PKP1: variants seen among roughly 807,000 people sequenced by gnomAD.
The protein encoded by PKP1 is plakophilin 1.
Under a neutral mutation model 76.4 loss-of-function variants are expected in PKP1, and 27 were observed. That is an observed-to-expected ratio of 0.35 (90% confidence interval 0.26 to 0.49). PKP1 has a LOEUF of 0.49. PKP1 is among the 20% of genes least tolerant of loss of function. The probability of loss-of-function intolerance (pLI) is 0.99; values close to 1 mark genes in which losing one functional copy is unlikely to be tolerated. For synonymous variants in PKP1, 404 were observed against 384.2 expected, an observed-to-expected ratio of 1.05 and a Z score of -0.60; for missense variants, 964 against 955.2, an observed-to-expected ratio of 1.01 and a Z score of -0.12.
At chr1:201,287,794 A>G (rs747242286) in intron 1 of PKP1, among the ~76,000 whole-genome samples, 2 of 152,178 alleles carry the variant, frequency 1.3e-5, no homozygotes, top group African/African-American at 2.4e-5. Context: ...CATTGTGCCA[A>G]TTGTTCTAGG....
intron 2 of PKP1, among the ~76,000 whole-genome samples, chr1:201,295,188 G>A (rs754277293): frequency 3.3e-5 from 5 of 152,094 alleles, no homozygotes; most frequent in Non-Finnish European, 7.4e-5. Flanking sequence ...CTGGGTCCTG[G>A]GGAGAGGAGA....
intron 2 of PKP1, among the ~76,000 whole-genome samples, chr1:201,303,471 C>G (rs536954339): frequency 6.6e-6 from 1 of 152,266 alleles, no homozygotes; most frequent in Middle Eastern, 3.4e-3. Flanking sequence ...TATCACTCAC[C>G]CAAATGACAA....
intron 1 of PKP1, 26 bp downstream of exon 1, chr1:201,283,930 C>A: frequency 6.2e-7 from 1 of 1,603,084 alleles, no homozygotes; most frequent in South Asian, 1.1e-5. Flanking sequence ...CCGCGTGGTC[C>A]GTGCGCCCCT....
At chr1:201,301,365 C>T (rs1329416366) in intron 2 of PKP1, among the ~76,000 whole-genome samples, 1 of 152,170 alleles carries the variant, frequency 6.6e-6, no homozygotes, top group Non-Finnish European at 1.5e-5. Flanking sequence ...TCCACTCTCC[C>T]CAGAGACAAC....
intron 3 of PKP1, among the ~76,000 whole-genome samples, chr1:201,314,323 A>T (rs957918758): frequency 6.6e-6 from 1 of 152,156 alleles, no homozygotes; most frequent in East Asian, 1.9e-4. Context: ...TTAGCCAAGC[A>T]TGGTGGCGGG....
At chr1:201,292,140 C>G (rs556058916) in intron 1 of PKP1, among the ~76,000 whole-genome samples, 1 of 152,158 alleles carries the variant, frequency 6.6e-6, no homozygotes, top group Non-Finnish European at 1.5e-5. Context: ...AGGTGGCAAA[C>G]GAGGCGGTAG....
chr1:201,303,832 G>T (rs1656299995), intron 2 of PKP1, among the ~76,000 whole-genome samples: 1 of 152,162 alleles, frequency 6.6e-6, no homozygotes, highest in Non-Finnish European at 1.5e-5. Flanking sequence ...GGAGATTCCG[G>T]GTCATATGCT....
intron 1 of PKP1, among the ~76,000 whole-genome samples, chr1:201,288,983 G>C (rs1655820046): frequency 6.6e-6 from 1 of 152,200 alleles, no homozygotes; most frequent in South Asian, 2.1e-4. Context: ...CCAGGAAAAG[G>C]TCAAGAGCCA....
At chr1:201,328,476 A>G (rs1657214322) in intron 12 of PKP1, 2 of 481,756 alleles carry the variant, frequency 4.2e-6, no homozygotes, top group Non-Finnish European at 7.6e-6. Flanking sequence ...TGTTTAAAAA[A>G]TAATACTAGC....
Position 201,301,762 on chromosome 1 carries a change from A to C in PKP1, c.306+7717A>C, listed in dbSNP as rs555262967. On this transcript the variant is annotated intron_variant, in intron 2 of 13. Coordinates refer to ENST00000367324, the MANE Select transcript of PKP1 (RefSeq NM_001005337.3). ...TTTTTTTCTTTTGGCCCTGACAAAA[A>C]CTAATCTACTCAACCAACCAGTATT... 2.1e-4 allele frequency among the ~76,000 whole-genome samples: 32 copies of C among 152,188 alleles called. No homozygotes were observed. The East Asian group carries it at 6.2e-3, about 29-fold the overall frequency.
In PKP1 at chr1:201,286,146, T is replaced by C. The variant is rs1655729148; in HGVS notation, c.202+2242T>C. Among the ~76,000 whole-genome samples, 7 of 152,226 alleles carry C rather than the reference T, an allele frequency of 4.6e-5. No homozygotes were observed. The South Asian group carries it at 1.4e-3, about 32-fold the overall frequency. On this transcript the variant is annotated intron_variant, in intron 1 of 13. Transcript: ENST00000367324. Reference sequence around the variant, plus strand: ...TACTCACTCTGCTCCCTCTTTCTTATGCTGGTTTACCTGTCAGGAGCCTGC... The same window carrying C: ...TACTCACTCTGCTCCCTCTTTCTTACGCTGGTTTACCTGTCAGGAGCCTGC...
chr1:201,321,944 G>T, intron 7 of PKP1, 34 bp from the exon 8 acceptor site: 1 of 1,613,080 alleles, frequency 6.2e-7, no homozygotes, highest in African/African-American at 1.3e-5. Context: ...GGGCCGGGCA[G>T]AGGCTCAGGC....
chr1:201,321,586 GAC>G (rs1406141621), intron 7 of PKP1, among the ~76,000 whole-genome samples: 1 of 151,852 alleles, frequency 6.6e-6, no homozygotes, highest in Admixed American at 6.6e-5. Flanking sequence ...AAAAAAAAAA[GAC>G]ACATTCTTCA....
intron 3 of PKP1, among the ~76,000 whole-genome samples, chr1:201,314,395 G>A (rs1037342132): frequency 2.0e-5 from 3 of 152,326 alleles, no homozygotes; most frequent in Middle Eastern, 3.4e-3. Context: ...CCGGGAGGGG[G>A]AGGTTGCAGT....
At chr1:201,284,031 GGTCTACGC>G in intron 1 of PKP1, 127 bp downstream of exon 1, 1 of 875,618 alleles carries the variant, frequency 1.1e-6, no homozygotes, top group Non-Finnish European at 1.9e-6. Flanking sequence ...CCCCAGGCAG[GGTCTACGC>G]ACCTAGTGCG....
At chr1:201,306,615 CT>C (rs1656373939) in intron 2 of PKP1, among the ~76,000 whole-genome samples, 1 of 152,194 alleles carries the variant, frequency 6.6e-6, no homozygotes. Context: ...ATAAGGGATA[CT>C]GACCATTATT....
intron 3 of PKP1, among the ~76,000 whole-genome samples, chr1:201,315,966 A>T (rs1221338739): frequency 6.6e-6 from 1 of 152,186 alleles, no homozygotes; most frequent in Non-Finnish European, 1.5e-5. Context: ...ATTGGTGGCT[A>T]TAAGAATGGG....
At chr1:201,298,009 A>G (rs1656123490) in intron 2 of PKP1, among the ~76,000 whole-genome samples, 1 of 152,222 alleles carries the variant, frequency 6.6e-6, no homozygotes, top group Non-Finnish European at 1.5e-5. Context: ...AAATATAACT[A>G]CATGCCCCGT....
intron 1 of PKP1, among the ~76,000 whole-genome samples, chr1:201,285,483 A>T (rs914273524): frequency 1.3e-5 from 2 of 152,110 alleles, no homozygotes; most frequent in Non-Finnish European, 2.9e-5. Flanking sequence ...CCACCTCCAG[A>T]GCACTTGCCT....
Sources: gnomAD v4.1 joint callset for allele counts (sites outside exome capture counted in the v4.1 genomes callset) on GRCh38, gnomAD v4.1.1 for gene constraint, MANE v1.5 for transcripts, NCBI Gene and HGNC (gene_info 2026-07-23, HGNC 2026-07-21) for gene names.